Variants in HS3ST4 observed in about 807,000 individuals in gnomAD.
HS3ST4 encodes the protein heparan sulfate glucosamine 3-O-sulfotransferase 4.
HS3ST4 carries 17 observed loss-of-function variants against 29.2 expected under a neutral mutation model. The ratio of observed to expected loss-of-function variants is 0.58; its 90% CI spans 0.40 to 0.87. The LOEUF is 0.87. HS3ST4 is among the 40% of genes least tolerant of loss of function. HS3ST4 has a pLI of 0.00. For synonymous variants in HS3ST4, 314 were observed against 285.7 expected (o/e 1.10, Z -1.00); for missense variants, 627 against 634.5 (o/e 0.99, Z 0.13).
chr16:25,813,633 A>C (rs1967064566), intron 1 of HS3ST4, among the ~76,000 whole-genome samples: 1 of 152,132 alleles, frequency 6.6e-6, no homozygotes, highest in Non-Finnish European at 1.5e-5. Context: ...TTGCTGGGGG[A>C]GGTGTCAAGT....
intron 1 of HS3ST4, among the ~76,000 whole-genome samples, chr16:25,869,720 A>T (rs2141658690): frequency 6.6e-6 from 1 of 152,316 alleles, no homozygotes; most frequent in East Asian, 1.9e-4. Context: ...CTCTATCAGT[A>T]GGTGGTGATA....
At chr16:25,822,879 A>C (rs1264049076) in intron 1 of HS3ST4, among the ~76,000 whole-genome samples, 1 of 152,068 alleles carries the variant, frequency 6.6e-6, no homozygotes, top group Non-Finnish European at 1.5e-5. Context: ...CTGGGACTAC[A>C]GGCGTGCACC....
intron 1 of HS3ST4, among the ~76,000 whole-genome samples, chr16:25,700,526 A>C (rs764985235): frequency 2.0e-5 from 3 of 152,124 alleles, no homozygotes; most frequent in Non-Finnish European, 2.9e-5. Flanking sequence ...TTATTTTTGA[A>C]AATCATACCA....
At chr16:26,081,287 CA>C (rs11305983) in intron 1 of HS3ST4, among the ~76,000 whole-genome samples, 15,408 of 130,938 alleles carry the variant, frequency 0.12, 1,003 homozygotes, top group Admixed American at 0.2. Context: ...AATCCTGTCT[CA>C]AAAAAAAAAA....
chr16:25,914,584 G>A (rs995290103), intron 1 of HS3ST4, among the ~76,000 whole-genome samples: 1 of 148,500 alleles, frequency 6.7e-6, no homozygotes, highest in Non-Finnish European at 1.5e-5. Context: ...TGGTGTCTGT[G>A]GGGAGTATGT....
At chr16:25,922,976 G>A (rs1391343634) in intron 1 of HS3ST4, among the ~76,000 whole-genome samples, 1 of 152,184 alleles carries the variant, frequency 6.6e-6, no homozygotes, top group African/African-American at 2.4e-5. Flanking sequence ...TGTTGGAGCG[G>A]CAGGCATCTA....
chr16:26,109,369 G>A (rs1899098049), intron 1 of HS3ST4, among the ~76,000 whole-genome samples: 1 of 152,168 alleles, frequency 6.6e-6, no homozygotes, highest in South Asian at 2.1e-4. Flanking sequence ...TCGATTACAG[G>A]CAGTTGAGGT....
chr16:26,098,025 C>T (rs543436806), intron 1 of HS3ST4, among the ~76,000 whole-genome samples: 114 of 152,286 alleles, frequency 7.5e-4, no homozygotes, highest in African/African-American at 2.3e-3. Context: ...AAATCAAAAC[C>T]ACAATGAGAT....
intron 1 of HS3ST4, among the ~76,000 whole-genome samples, chr16:26,046,141 G>A (rs966944789): frequency 2.0e-5 from 3 of 147,308 alleles, no homozygotes; most frequent in Non-Finnish European, 4.4e-5. Flanking sequence ...TGTAAGGACA[G>A]GAAATTTTTT....
chr16:25,759,271 G>C lies in HS3ST4; in HGVS notation c.734+66120G>C, dbSNP rs577616772. ...CTCTGCCCTGGGCACTGTGTTAAGG[G>C]CTGTGTATCAACAATCTAGCTTAAT... On this transcript the variant is annotated intron_variant, in intron 1 of 1. Coordinates refer to ENST00000331351, the MANE Select transcript of HS3ST4 (RefSeq NM_006040.3). Among the ~76,000 whole-genome samples, 8 of 152,334 alleles carry C rather than the reference G, an allele frequency of 5.3e-5. No homozygotes were observed. The East Asian group carries it at 1.5e-3, about 29-fold the overall frequency.
At chr16:25,925,452 A>C (rs1228392267) in intron 1 of HS3ST4, among the ~76,000 whole-genome samples, 1 of 152,082 alleles carries the variant, frequency 6.6e-6, no homozygotes, top group Non-Finnish European at 1.5e-5. Context: ...CACTCCCTGC[A>C]CAGAGAGCTT....
At chr16:25,746,837 C>T (rs1192410700) in intron 1 of HS3ST4, among the ~76,000 whole-genome samples, 11 of 152,044 alleles carry the variant, frequency 7.2e-5, no homozygotes, top group Admixed American at 6.5e-4. Flanking sequence ...AGGTGTGAGC[C>T]ACTGCGCCCA....
intron 1 of HS3ST4, among the ~76,000 whole-genome samples, chr16:26,034,998 A>G (rs1969570243): frequency 6.6e-6 from 1 of 152,016 alleles, no homozygotes; most frequent in Non-Finnish European, 1.5e-5. Context: ...GAAGAAAGAA[A>G]CAAAAAACTG....
intron 1 of HS3ST4, among the ~76,000 whole-genome samples, chr16:25,706,737 A>G (rs1184147624): frequency 6.6e-6 from 1 of 152,150 alleles, no homozygotes; most frequent in Non-Finnish European, 1.5e-5. Context: ...TTAGCTGGCA[A>G]AGGGGAATTA....
intron 1 of HS3ST4, among the ~76,000 whole-genome samples, chr16:26,128,372 C>A (rs1899374387): frequency 6.6e-6 from 1 of 152,200 alleles, no homozygotes; most frequent in African/African-American, 2.4e-5. Flanking sequence ...TATCTTTTAA[C>A]CTGACCCTCT....
chr16:26,044,375 TG>T (rs1303902920), intron 1 of HS3ST4, among the ~76,000 whole-genome samples: 4 of 152,194 alleles, frequency 2.6e-5, no homozygotes, highest in Admixed American at 2.6e-4. Context: ...GGAGAAGGGC[TG>T]GTAGTGGAAT....
intron 1 of HS3ST4, among the ~76,000 whole-genome samples, chr16:25,902,618 T>C (rs1968130314): frequency 6.6e-6 from 1 of 151,962 alleles, no homozygotes; most frequent in African/African-American, 2.4e-5. Context: ...AACCCATCAG[T>C]TGGGAGATGA....
chr16:25,954,589 A>G (rs13336945), intron 1 of HS3ST4, among the ~76,000 whole-genome samples: 19,863 of 152,240 alleles, frequency 0.13, 1,386 homozygotes, highest in African/African-American at 0.16. Flanking sequence ...TCACTATGTT[A>G]TAGTGAAAAT....
intron 1 of HS3ST4, among the ~76,000 whole-genome samples, chr16:26,059,701 T>C (rs1045799394): frequency 1.1e-4 from 17 of 152,224 alleles, no homozygotes; most frequent in Non-Finnish European, 4.4e-5. Flanking sequence ...TAGGATTAAA[T>C]TGGTTACTCC....
Sources: gnomAD v4.1 joint callset for allele counts (sites outside exome capture counted in the v4.1 genomes callset) on GRCh38, gnomAD v4.1.1 for gene constraint, MANE v1.5 for transcripts, NCBI Gene and HGNC (gene_info 2026-07-23, HGNC 2026-07-21) for gene names.